Variants in HEMK2 observed in about 807,000 individuals in gnomAD.
The protein encoded by HEMK2 is methyltransferase HEMK2.
the HEMK2 span, among the ~76,000 whole-genome samples, chr21:28,741,373 C>G: frequency 6.6e-6 from 1 of 152,150 alleles, no homozygotes. Context: ...AAACCTACTA[C>G]AGAAAGAGGT....
chr21:28,842,607 C>T, the HEMK2 span, among the ~76,000 whole-genome samples: 1 of 152,054 alleles, frequency 6.6e-6, no homozygotes, highest in African/African-American at 2.4e-5. Context: ...TACCCAAAGC[C>T]ATTACTCCTT....
the HEMK2 span, among the ~76,000 whole-genome samples, chr21:28,707,310 C>T: frequency 6.8e-6 from 1 of 146,342 alleles, no homozygotes; most frequent in Non-Finnish European, 1.5e-5. Context: ...GTGTGGAGTA[C>T]GGTGGCATGA....
chr21:28,586,458 A>C, the HEMK2 span, among the ~76,000 whole-genome samples: 1 of 152,206 alleles, frequency 6.6e-6, no homozygotes, highest in Non-Finnish European at 1.5e-5. Context: ...AGATAGTATA[A>C]GATGATTGCT....
the HEMK2 span, among the ~76,000 whole-genome samples, chr21:28,750,036 AC>A: frequency 2.0e-5 from 3 of 152,258 alleles, no homozygotes; most frequent in Non-Finnish European, 2.9e-5. Flanking sequence ...CAAGAAGCAG[AC>A]AAGTCACTCA....
chr21:28,592,014 G>T, the HEMK2 span, among the ~76,000 whole-genome samples: 1 of 152,094 alleles, frequency 6.6e-6, no homozygotes, highest in Non-Finnish European at 1.5e-5. Flanking sequence ...AGGAACATAC[G>T]CATGCATGTA....
the HEMK2 span, among the ~76,000 whole-genome samples, chr21:28,664,368 C>CA: frequency 6.6e-6 from 1 of 152,256 alleles, no homozygotes; most frequent in African/African-American, 2.4e-5. Context: ...TTCTGGGTAT[C>CA]TTACTTGCTC....
the HEMK2 span, among the ~76,000 whole-genome samples, chr21:28,748,529 T>C: frequency 6.6e-6 from 1 of 152,218 alleles, no homozygotes; most frequent in African/African-American, 2.4e-5. Flanking sequence ...CTTGATTCTT[T>C]CCCTCAAGTT....
chr21:28,700,633 C>T, the HEMK2 span, among the ~76,000 whole-genome samples: 1 of 152,064 alleles, frequency 6.6e-6, no homozygotes, highest in Non-Finnish European at 1.5e-5. Flanking sequence ...ATGATGAGTT[C>T]AGAAATTGAA....
the HEMK2 span, among the ~76,000 whole-genome samples, chr21:28,816,764 C>T: frequency 6.6e-6 from 1 of 152,170 alleles, no homozygotes; most frequent in Admixed American, 6.5e-5. Context: ...AGCAATTCTC[C>T]TAAAATGCTG....
chr21:28,819,461 A>C, the HEMK2 span, among the ~76,000 whole-genome samples: 1 of 152,000 alleles, frequency 6.6e-6, no homozygotes, highest in African/African-American at 2.4e-5. Flanking sequence ...ATATTTGGGC[A>C]ATCTTTTGGC....
chr21:28,741,686 T>C, the HEMK2 span, among the ~76,000 whole-genome samples: 2 of 152,332 alleles, frequency 1.3e-5, no homozygotes, highest in African/African-American at 4.8e-5. Context: ...TTGCTAAGGA[T>C]ACTAAGGCCT....
At chr21:28,723,968 A>T in the HEMK2 span, among the ~76,000 whole-genome samples, 2,164 of 152,260 alleles carry the variant, frequency 0.014, 66 homozygotes, top group African/African-American at 0.05. Context: ...TCAGAAAGTG[A>T]ACCAACTGAC....
the HEMK2 span, among the ~76,000 whole-genome samples, chr21:28,586,751 GACACAGACTCTGGTA>G: frequency 6.6e-6 from 1 of 152,140 alleles, no homozygotes; most frequent in Non-Finnish European, 1.5e-5. Context: ...GACAGTCCAA[GACACAGACTCTGGTA>G]GAGTCCATGC....
the HEMK2 span, among the ~76,000 whole-genome samples, chr21:28,809,086 G>C: frequency 1.3e-5 from 2 of 152,134 alleles, no homozygotes; most frequent in African/African-American, 4.8e-5. Flanking sequence ...TTGCTCTATA[G>C]AGGTGACATA....
the HEMK2 span, among the ~76,000 whole-genome samples, chr21:28,687,848 A>G: frequency 3.9e-5 from 6 of 152,360 alleles, no homozygotes; most frequent in East Asian, 1.2e-3. Flanking sequence ...TGCAATAGAA[A>G]GGAAAGGCCC....
At chr21:28,706,928 T>TGAGG in the HEMK2 span, among the ~76,000 whole-genome samples, 3 of 151,824 alleles carry the variant, frequency 2.0e-5, no homozygotes, top group African/African-American at 4.8e-5. Flanking sequence ...TATACTCTGG[T>TGAGG]GAATGAAATG....
the HEMK2 span, among the ~76,000 whole-genome samples, chr21:28,610,238 G>T: frequency 6.6e-6 from 1 of 151,964 alleles, no homozygotes; most frequent in African/African-American, 2.4e-5. Context: ...AGAAGGGATT[G>T]GGGTTCTATT....
the HEMK2 span, among the ~76,000 whole-genome samples, chr21:28,678,833 C>G: frequency 6.6e-6 from 1 of 152,144 alleles, no homozygotes; most frequent in East Asian, 1.9e-4. Context: ...CCTTTACAGA[C>G]AAGCAAATGC....
At chr21:28,596,563 A>C in the HEMK2 span, among the ~76,000 whole-genome samples, 1 of 152,168 alleles carries the variant, frequency 6.6e-6, no homozygotes, top group Non-Finnish European at 1.5e-5. Context: ...AGTAATTACC[A>C]AGTCAGAGAA....
Sources: gnomAD v4.1 joint callset for allele counts (sites outside exome capture counted in the v4.1 genomes callset) on GRCh38, gnomAD v4.1.1 for gene constraint, MANE v1.5 for transcripts, NCBI Gene and HGNC (gene_info 2026-07-23, HGNC 2026-07-21) for gene names.